Variants in PPFIA1 observed in about 807,000 individuals in gnomAD.
The protein encoded by PPFIA1 is liprin-alpha-1.
PPFIA1 carries 25 observed loss-of-function variants against 149.9 expected under a neutral mutation model. That is an observed-to-expected ratio of 0.17 (90% CI 0.12 to 0.23). PPFIA1 has a LOEUF of 0.23. PPFIA1 is among the 10% of genes least tolerant of loss of function. PPFIA1 has a pLI of 1.00. For synonymous variants in PPFIA1, 549 were observed against 552.8 expected (o/e 0.99, Z 0.10); for missense variants, 1,362 against 1,506.5 (o/e 0.90, Z 1.59).
intron 2 of PPFIA1, among the ~76,000 whole-genome samples, chr11:70,289,840 G>A (rs891028100): frequency 6.6e-6 from 1 of 152,212 alleles, no homozygotes; most frequent in Non-Finnish European, 1.5e-5. Context: ...TACTTGAGAG[G>A]CTGAGGTGGG....
At chr11:70,377,477 C>T (rs116547671) in intron 25 of PPFIA1, among the ~76,000 whole-genome samples, 6,240 of 152,158 alleles carry the variant, frequency 0.041, 467 homozygotes, top group African/African-American at 0.14. Flanking sequence ...TATATCCTGG[C>T]ATAAGATAAA....
chr11:70,382,185 G>T, intron 27 of PPFIA1, 27 bp downstream of exon 27: 1 of 1,585,558 alleles, frequency 6.3e-7, no homozygotes, highest in Non-Finnish European at 8.6e-7. Context: ...ACAACCCCTA[G>T]AGATGGCTCA....
rs141756058 is a variant in PPFIA1, at chr11:70,347,044, C to G, written c.1932-1145C>G. Among the ~76,000 whole-genome samples, 191 of 152,222 alleles carry G rather than the reference C, an allele frequency of 1.3e-3. 4 individuals carry two copies. The East Asian group carries it at 0.033, about 26-fold the overall frequency. On this transcript the variant is annotated intron_variant, in intron 15 of 27. Coordinates refer to ENST00000253925, the MANE Select transcript of PPFIA1 (RefSeq NM_003626.5). ...GTAGAGAATCCCATCAGATAACGCT[C>G]TGGTTCAAATTTAAACTAAAAAAAA...
intron 19 of PPFIA1, among the ~76,000 whole-genome samples, chr11:70,360,188 G>A (rs1266727513): frequency 6.6e-6 from 1 of 152,218 alleles, no homozygotes; most frequent in Admixed American, 6.5e-5. Flanking sequence ...TTCCACTGTT[G>A]CCTCTGGACC....
At chr11:70,354,495 T>G in intron 17 of PPFIA1, 43 bp downstream of exon 17, 2 of 1,547,090 alleles carry the variant, frequency 1.3e-6, no homozygotes, top group Non-Finnish European at 1.7e-6. Flanking sequence ...CACCTGTCTT[T>G]TCGTTTCTGG....
intron 17 of PPFIA1, among the ~76,000 whole-genome samples, chr11:70,355,206 C>CT (rs2056293952): frequency 1.3e-5 from 2 of 152,172 alleles, no homozygotes; most frequent in Non-Finnish European, 2.9e-5. Flanking sequence ...CCCGGCCCCT[C>CT]TTTTTTTAAA....
At position 70,279,210 on chromosome 11, in the gene PPFIA1, A is replaced by G. The variant is rs2050593684; in HGVS notation, c.264+6774A>G. On this transcript the variant is annotated intron_variant, in intron 2 of 27. Transcript: ENST00000253925. ...TTTCAGGTGTCAGTGAATACGGCCC[A>G]CCAGGAACTGCAAATTGGCTCTCTT... 7.7e-6 allele frequency: 3 copies of G among 387,576 alleles called. No homozygotes were observed. The Admixed American group carries it at 1.0e-4, about 14-fold the overall frequency. The allele number at this position is 387,576 out of a possible 1,614,324, so 24.0% of individuals were successfully genotyped here.
intron 2 of PPFIA1, among the ~76,000 whole-genome samples, chr11:70,306,763 T>C (rs1472892410): frequency 1.3e-5 from 2 of 152,180 alleles, no homozygotes; most frequent in Non-Finnish European, 2.9e-5. Context: ...TTATACGTAA[T>C]AAGAGAAAAG....
chr11:70,362,488 G>A lies in PPFIA1; in HGVS notation c.2865G>A (p.Thr955=). Residue 955 remains threonine, a splice_region_variant and synonymous_variant, in exon 21 of 28, where the codon ACG becomes ACA. Transcript: ENST00000253925. ...TSPSAPPTSR[T]TLAYGDMNHE... is the part of the protein sequence containing the mutation. ...CGTCTGCCCCGCCCACATCTAGAAC[G>A]GTACGTTCAGAGACAACCCCTGCAT... 1 of 1,599,798 alleles carries A rather than the reference G, an allele frequency of 6.3e-7. No individual in the cohort carries two copies. The highest frequency in any genetic ancestry group is 1.7e-5 in the Admixed American group (1 of 58,576).
At position 70,272,418 on chromosome 11, in the gene PPFIA1, C is replaced by G. The variant is rs1565324560; in HGVS notation, c.246C>G (p.Leu82=). Residue 82 remains leucine, a synonymous_variant, in exon 2 of 28, where the codon CTC becomes CTG. Coordinates refer to ENST00000253925, the MANE Select transcript of PPFIA1 (RefSeq NM_003626.5). ...AAAGAGATTCCTTGCAGAGACAGCT[C>G]AACACGGCACTTCCACAGGTATGAG... The part of the protein sequence containing the change: ...GHERDSLQRQ[L]NTALPQEFAA... The G allele has an allele frequency of 1.9e-6, 3 of 1,613,008 alleles. No individual in the cohort carries two copies. Among genetic ancestry groups the G allele is most frequent in the Non-Finnish European group, 1.7e-6 (2 of 1,179,212 alleles).
chr11:70,350,106 G>T (rs552210819), intron 16 of PPFIA1: 43 of 341,916 alleles, frequency 1.3e-4, no homozygotes, highest in African/African-American at 9.4e-4. Flanking sequence ...TTATTAATGG[G>T]TTGTTTTTTT....
At chr11:70,371,280 A>G (rs1288852624) in intron 21 of PPFIA1, 1 of 26 alleles carries the variant, frequency 0.038, no homozygotes. Flanking sequence ...GTATGTTGAG[A>G]TTTGTCTGTC....
At chr11:70,340,774 A>G (rs1243754273) in intron 14 of PPFIA1, among the ~76,000 whole-genome samples, 2 of 151,780 alleles carry the variant, frequency 1.3e-5, no homozygotes, top group Non-Finnish European at 2.9e-5. Flanking sequence ...GGCTTAAAAC[A>G]GTGAACATTT....
chr11:70,348,901 T>A (rs924229848), intron 16 of PPFIA1, among the ~76,000 whole-genome samples: 3 of 151,878 alleles, frequency 2.0e-5, no homozygotes, highest in Non-Finnish European at 2.9e-5. Flanking sequence ...TAAAAAAAAA[T>A]TTTAATATTT....
At chr11:70,297,708 G>A (rs1189960576) in intron 2 of PPFIA1, among the ~76,000 whole-genome samples, 1 of 152,246 alleles carries the variant, frequency 6.6e-6, no homozygotes, top group African/African-American at 2.4e-5. Flanking sequence ...TGGAGAACCA[G>A]GTTTGGAGGA....
At chr11:70,294,990 A>G (rs1021208130) in intron 2 of PPFIA1, among the ~76,000 whole-genome samples, 4 of 152,052 alleles carry the variant, frequency 2.6e-5, no homozygotes, top group African/African-American at 7.2e-5. Flanking sequence ...CGATTTCTCA[A>G]TCTTTTCCCC....
chr11:70,305,558 A>T (rs1166764751), intron 2 of PPFIA1, among the ~76,000 whole-genome samples: 3 of 152,016 alleles, frequency 2.0e-5, no homozygotes, highest in Non-Finnish European at 4.4e-5. Flanking sequence ...TTTTGTAGAG[A>T]TGGGTTTTCA....
At chr11:70,288,855 A>G (rs2051328538) in intron 2 of PPFIA1, among the ~76,000 whole-genome samples, 1 of 152,008 alleles carries the variant, frequency 6.6e-6, no homozygotes, top group African/African-American at 2.4e-5. Context: ...TTCCTGCCTC[A>G]GATCTGAAAT....
chr11:70,351,755 C>G (rs779213818), intron 16 of PPFIA1, among the ~76,000 whole-genome samples: 2 of 152,116 alleles, frequency 1.3e-5, no homozygotes, highest in African/African-American at 2.4e-5. Flanking sequence ...TAGAGAGGCC[C>G]CACAGTGCAC....
Sources: allele counts gnomAD v4.1 joint callset (sites outside exome capture counted in the v4.1 genomes callset), GRCh38; gene constraint gnomAD v4.1.1; transcripts MANE v1.5; gene names NCBI Gene and HGNC (gene_info 2026-07-23, HGNC 2026-07-21).